Variants in KLF12 observed in about 807,000 individuals in gnomAD.
KLF12 encodes the protein Krueppel-like factor 12.
A neutral mutation model predicts 37.8 loss-of-function variants in KLF12; 9 were observed. That is an observed-to-expected ratio of 0.24 (90% CI 0.14 to 0.42). The LOEUF is 0.42. KLF12 is among the 10% of genes least tolerant of loss of function. The probability of loss-of-function intolerance (pLI) is 1.00; values close to 1 mark genes in which losing one functional copy is unlikely to be tolerated. For synonymous variants in KLF12, 208 were observed against 202.1 expected, an observed-to-expected ratio of 1.03 and a Z score of -0.25; for missense variants, 411 against 516.0, an observed-to-expected ratio of 0.80 and a Z score of 1.97.
rs1032468154 is a variant in KLF12, at chr13:73,695,382, G to A, written c.*108C>T. 12 of 1,049,862 alleles carry A rather than the reference G, an allele frequency of 1.1e-5. No homozygotes were observed. The African/African-American group carries it at 1.9e-4, about 16-fold the overall frequency. 65.0% of individuals were successfully genotyped at this position (1,049,862 alleles called of 1,614,324 possible). ...TCCTGCTCTGGTTTCAGACATCGTG[G>A]GATGGTGATGCCCTTTTGTGTTAAC... On this transcript the variant is annotated 3_prime_UTR_variant, in exon 8 of 8. Coordinates refer to ENST00000377669, the MANE Select transcript of KLF12 (RefSeq NM_007249.5).
intron 4 of KLF12, among the ~76,000 whole-genome samples, chr13:73,840,569 C>T (rs11843549): frequency 0.084 from 12,731 of 151,986 alleles, 1,197 homozygotes; most frequent in African/African-American, 0.23. Flanking sequence ...AAGTCACCCT[C>T]ACTTCCTCTC....
chr13:74,245,548 T>A, the KLF12 span, among the ~76,000 whole-genome samples: 1 of 152,204 alleles, frequency 6.6e-6, no homozygotes, highest in Non-Finnish European at 1.5e-5. Flanking sequence ...AGAAACCTCC[T>A]AACAGATTTT....
chr13:73,976,230 T>C (rs1411886403), intron 2 of KLF12, among the ~76,000 whole-genome samples: 1 of 152,006 alleles, frequency 6.6e-6, no homozygotes, highest in African/African-American at 2.4e-5. Context: ...AGTATGAAAG[T>C]TGTTCTTCAC....
chr13:73,776,916 A>G (rs1191222457), intron 5 of KLF12, among the ~76,000 whole-genome samples: 1 of 152,188 alleles, frequency 6.6e-6, no homozygotes, highest in African/African-American at 2.4e-5. Flanking sequence ...CTAAAGAAAA[A>G]CTAAGACATA....
At chr13:74,096,065 C>T (rs143053326) in intron 1 of KLF12, among the ~76,000 whole-genome samples, 45 of 152,330 alleles carry the variant, frequency 3.0e-4, no homozygotes, top group South Asian at 4.1e-4. Flanking sequence ...CTTAAGTACA[C>T]CTAGAACAGT....
intron 3 of KLF12, among the ~76,000 whole-genome samples, chr13:73,857,757 C>T (rs1167759429): frequency 1.3e-5 from 2 of 152,192 alleles, no homozygotes; most frequent in Non-Finnish European, 2.9e-5. Context: ...TAACTATTCA[C>T]TGCAACCATT....
intron 6 of KLF12, among the ~76,000 whole-genome samples, chr13:73,738,343 G>T (rs1298545333): frequency 6.6e-6 from 1 of 150,800 alleles, no homozygotes; most frequent in African/African-American, 2.4e-5. Context: ...TAGTAGAGAG[G>T]GTTTCATAAA....
chr13:73,904,469 CTTTTTT>C (rs11342071), intron 3 of KLF12, among the ~76,000 whole-genome samples: 1 of 92,030 alleles, frequency 1.1e-5, no homozygotes, highest in Admixed American at 1.2e-4. Flanking sequence ...TCTTTCTTTC[CTTTTTT>C]TTTTTTTTTT....
intron 1 of KLF12, among the ~76,000 whole-genome samples, chr13:74,018,599 T>C (rs374032463): frequency 2.2e-4 from 33 of 152,194 alleles, no homozygotes; most frequent in East Asian, 1.3e-3. Context: ...GAAGAATATA[T>C]ACATACATAG....
At chr13:73,925,970 C>G (rs1439503991) in intron 3 of KLF12, among the ~76,000 whole-genome samples, 1 of 152,162 alleles carries the variant, frequency 6.6e-6, no homozygotes, top group African/African-American at 2.4e-5. Flanking sequence ...AAAATTTTCA[C>G]AGATGAGGAG....
intron 3 of KLF12, among the ~76,000 whole-genome samples, chr13:73,933,573 G>A (rs1204812159): frequency 6.6e-6 from 1 of 152,054 alleles, no homozygotes; most frequent in African/African-American, 2.4e-5. Flanking sequence ...CCTTTCATAC[G>A]AAACTTCTTC....
At chr13:73,740,032 T>G (rs1877851148) in intron 6 of KLF12, among the ~76,000 whole-genome samples, 1 of 152,190 alleles carries the variant, frequency 6.6e-6, no homozygotes, top group South Asian at 2.1e-4. Context: ...GGTCTGATGT[T>G]TATGTCCTCC....
chr13:73,794,236 G>A lies in KLF12; in HGVS notation c.806+18916C>T, dbSNP rs182895443. ...GGCACTTTGGGAGGCCGAGGCAGGCGGATCATCTGAGGTCGGGAGTTCGAG... is the reference window on the plus strand; with the variant it reads ...GGCACTTTGGGAGGCCGAGGCAGGCAGATCATCTGAGGTCGGGAGTTCGAG... On this transcript the variant is annotated intron_variant, in intron 5 of 7. Coordinates refer to ENST00000377669, the MANE Select transcript of KLF12 (RefSeq NM_007249.5). Among the ~76,000 whole-genome samples the A allele has an allele frequency of 1.8e-4, 28 of 152,340 alleles. No individual in the cohort carries two copies. The East Asian group carries it at 3.9e-3, about 21-fold the overall frequency.
the KLF12 span, among the ~76,000 whole-genome samples, chr13:74,280,733 C>G: frequency 6.6e-6 from 1 of 152,082 alleles, no homozygotes; most frequent in Non-Finnish European, 1.5e-5. Context: ...ATAGCAAATA[C>G]TGTTTCGTGA....
intron 1 of KLF12, among the ~76,000 whole-genome samples, chr13:74,019,840 G>A (rs577474164): frequency 2.6e-5 from 4 of 152,176 alleles, no homozygotes; most frequent in Admixed American, 6.5e-5. Context: ...CATGGTCCCC[G>A]TGATCACATG....
the KLF12 span, among the ~76,000 whole-genome samples, chr13:74,198,686 T>A: frequency 6.6e-6 from 1 of 152,180 alleles, no homozygotes. Flanking sequence ...TGATCTGTAA[T>A]GAGTTGAAAA....
the KLF12 span, among the ~76,000 whole-genome samples, chr13:74,156,603 CCCCACGCCCA>C: frequency 1.2e-3 from 186 of 149,742 alleles, 3 homozygotes; most frequent in South Asian, 0.012. Flanking sequence ...CATTAGCCAT[CCCCACGCCCA>C]CCCCCAAACC....
intron 1 of KLF12, among the ~76,000 whole-genome samples, chr13:74,081,265 T>G (rs1874867195): frequency 6.6e-6 from 1 of 152,178 alleles, no homozygotes; most frequent in South Asian, 2.1e-4. Context: ...GTCATGAAAC[T>G]TCCACTGAGA....
chr13:74,178,057 T>C, the KLF12 span, among the ~76,000 whole-genome samples: 1 of 152,210 alleles, frequency 6.6e-6, no homozygotes, highest in Non-Finnish European at 1.5e-5. Context: ...GTGGCTGGTA[T>C]AGCATTCTAC....
Sources: gnomAD v4.1 joint callset for allele counts (sites outside exome capture counted in the v4.1 genomes callset) on GRCh38, gnomAD v4.1.1 for gene constraint, MANE v1.5 for transcripts, NCBI Gene and HGNC (gene_info 2026-07-23, HGNC 2026-07-21) for gene names.